Variants in PUM1 observed in about 807,000 individuals in gnomAD.
The protein encoded by PUM1 is pumilio RNA binding family member 1.
PUM1 carries 13 observed loss-of-function variants against 131.8 expected under a neutral mutation model. The ratio of observed to expected loss-of-function variants is 0.10; its 90% CI spans 0.06 to 0.16. The LOEUF (loss-of-function observed/expected upper bound fraction) is 0.16, where lower values mean the gene tolerates loss of function less well. Ranked by LOEUF, PUM1 falls within the 10% of genes least tolerant of loss-of-function variation. PUM1 has a pLI of 1.00. For synonymous variants in PUM1, 509 were observed against 556.5 expected (o/e 0.91, Z 1.20); for missense variants, 961 against 1,512.4 (o/e 0.64, Z 6.05).
intron 2 of PUM1, among the ~76,000 whole-genome samples, chr1:31,056,628 T>C (rs1644247612): frequency 8.7e-6 from 1 of 114,680 alleles, no homozygotes; most frequent in African/African-American, 3.3e-5. Flanking sequence ...TTTTTTTTTT[T>C]TTTTTTTTTT....
chr1:30,992,864 A>C (rs1386762979), intron 6 of PUM1, among the ~76,000 whole-genome samples: 1 of 151,908 alleles, frequency 6.6e-6, no homozygotes, highest in Non-Finnish European at 1.5e-5. Flanking sequence ...ATTCCATATA[A>C]CTCACCCCTT....
intron 2 of PUM1, among the ~76,000 whole-genome samples, chr1:31,046,481 GT>G (rs1479510012): frequency 4.8e-5 from 5 of 104,700 alleles, no homozygotes; most frequent in Non-Finnish European, 7.4e-5. Flanking sequence ...CTGCAGCGGG[GT>G]TTTTGGGTTT....
chr1:30,945,622 T>G, intron 17 of PUM1, 139 bp from the exon 18 acceptor site: 1 of 879,062 alleles, frequency 1.1e-6, no homozygotes, highest in Non-Finnish European at 1.7e-6. Flanking sequence ...TGTGGAACAA[T>G]GACAACAGGG....
intron 11 of PUM1, among the ~76,000 whole-genome samples, chr1:30,967,571 T>C (rs1640674994): frequency 6.6e-6 from 1 of 152,216 alleles, no homozygotes; most frequent in South Asian, 2.1e-4. Flanking sequence ...TTAAATAACA[T>C]GATCTTTCAA....
At chr1:31,064,807 G>GT (rs1377101527) in intron 1 of PUM1, among the ~76,000 whole-genome samples, 1 of 127,540 alleles carries the variant, frequency 7.8e-6, no homozygotes, top group African/African-American at 3.0e-5. Context: ...TTACAGGAGT[G>GT]TATTCCTCAC....
chr1:30,972,759 A>G (rs923439162), intron 10 of PUM1, among the ~76,000 whole-genome samples: 7 of 150,122 alleles, frequency 4.7e-5, no homozygotes, highest in Non-Finnish European at 1.5e-5. Context: ...CAATAGAACT[A>G]GACTCCATCT....
At chr1:30,969,333 A>AG (rs1553146869) in intron 10 of PUM1, among the ~76,000 whole-genome samples, 4 of 79,756 alleles carry the variant, frequency 5.0e-5, no homozygotes, top group South Asian at 3.5e-4. Context: ...AAAAAAAAAA[A>AG]AAAGAAAAAA....
intron 15 of PUM1, among the ~76,000 whole-genome samples, chr1:30,953,386 CAT>C (rs1640028591): frequency 6.6e-6 from 1 of 152,206 alleles, no homozygotes; most frequent in Non-Finnish European, 1.5e-5. Context: ...CTCGTCTCTA[CAT>C]AGACTGTCAC....
chr1:31,041,386 A>AT (rs1243263360), intron 2 of PUM1, among the ~76,000 whole-genome samples: 23 of 143,298 alleles, frequency 1.6e-4, no homozygotes, highest in Non-Finnish European at 2.3e-4. Context: ...CAAAAAGTAA[A>AT]TTTTTTTTTT....
At chr1:30,992,712 T>C in intron 6 of PUM1, 52 bp from the exon 7 acceptor site, 1 of 1,512,044 alleles carries the variant, frequency 6.6e-7, no homozygotes, top group Non-Finnish European at 9.0e-7. Context: ...GGGGAGGGAC[T>C]ACAGCAACCC....
At chr1:31,016,398 T>C (rs915570806) in intron 3 of PUM1, among the ~76,000 whole-genome samples, 3 of 152,190 alleles carry the variant, frequency 2.0e-5, no homozygotes, top group Non-Finnish European at 4.4e-5. Flanking sequence ...AAAATAAGTA[T>C]ATAAAGCAAA....
chr1:31,038,984 A>ATATTTTTTTTTTT, intron 2 of PUM1, among the ~76,000 whole-genome samples: 3 of 49,424 alleles, frequency 6.1e-5, no homozygotes, highest in South Asian at 8.1e-4. Flanking sequence ...ATATATATAT[A>ATATTTTTTTTTTT]TTTTTTTTTT....
intron 2 of PUM1, among the ~76,000 whole-genome samples, chr1:31,048,473 AT>A (rs1273006252): frequency 2.7e-5 from 4 of 148,348 alleles, no homozygotes; most frequent in East Asian, 2.0e-4. Flanking sequence ...TTTTATTTTT[AT>A]TTTTTTTATT....
chr1:31,026,833 T>C (rs1037542511), intron 3 of PUM1, among the ~76,000 whole-genome samples: 1 of 152,014 alleles, frequency 6.6e-6, no homozygotes, highest in African/African-American at 2.4e-5. Context: ...TACTGTTACT[T>C]GTGAATAGTG....
At chr1:31,059,935 C>CT (rs1363105063) in intron 1 of PUM1, among the ~76,000 whole-genome samples, 2 of 151,840 alleles carry the variant, frequency 1.3e-5, no homozygotes, top group African/African-American at 4.8e-5. Context: ...CAGCCTCCGC[C>CT]TCCTAGACTC....
intron 5 of PUM1, 78 bp downstream of exon 5, chr1:31,005,775 T>G: frequency 7.2e-7 from 1 of 1,379,566 alleles, no homozygotes; most frequent in South Asian, 1.5e-5. Flanking sequence ...AGGCATGTTT[T>G]GCTTTAGGGG....
chr1:31,038,984 A>ATATATATATATATTTTTTT, intron 2 of PUM1, among the ~76,000 whole-genome samples: 12 of 49,410 alleles, frequency 2.4e-4, no homozygotes, highest in South Asian at 8.2e-4. Context: ...ATATATATAT[A>ATATATATATATATTTTTTT]TTTTTTTTTT....
At chr1:30,981,228 T>G (rs946968104) in intron 8 of PUM1, 84 bp downstream of exon 8, 2 of 845,220 alleles carry the variant, frequency 2.4e-6, no homozygotes, top group Non-Finnish European at 3.6e-6. Flanking sequence ...ATAATCAGTT[T>G]AAATTACTGG....
At chr1:31,022,911 G>T (rs1278927274) in intron 3 of PUM1, among the ~76,000 whole-genome samples, 1 of 152,170 alleles carries the variant, frequency 6.6e-6, no homozygotes, top group African/African-American at 2.4e-5. Context: ...GGTCACGCCT[G>T]CAATCCCAGC....
Sources: gnomAD v4.1 joint callset for allele counts (sites outside exome capture counted in the v4.1 genomes callset) on GRCh38, gnomAD v4.1.1 for gene constraint, MANE v1.5 for transcripts, NCBI Gene and HGNC (gene_info 2026-07-23, HGNC 2026-07-21) for gene names.